Variants in COL10A1 observed in about 807,000 individuals in gnomAD.
COL10A1 encodes the protein collagen type X alpha 1 chain.
A neutral mutation model predicts 18.2 loss-of-function variants in COL10A1; 10 were observed. The ratio of observed to expected loss-of-function variants is 0.55; its 90% CI spans 0.34 to 0.93. The LOEUF is 0.93. Ranked by LOEUF, COL10A1 falls within the 40% of genes least tolerant of loss-of-function variation. The probability of loss-of-function intolerance (pLI) is 0.02; values close to 1 mark genes in which losing one functional copy is unlikely to be tolerated. For missense variants in COL10A1, 897 were observed against 853.5 expected, an observed-to-expected ratio of 1.05 and a Z score of -0.64; for synonymous variants, 330 against 316.6, an observed-to-expected ratio of 1.04 and a Z score of -0.45.
At chr6:116,151,150 C>A (rs1181862978) in intron 1 of COL10A1, among the ~76,000 whole-genome samples, 1 of 152,080 alleles carries the variant, frequency 6.6e-6, no homozygotes, top group Non-Finnish European at 1.5e-5. Flanking sequence ...CTTCTTTTTG[C>A]TTCCGGGCAG....
the COL10A1 span, among the ~76,000 whole-genome samples, chr6:116,171,106 A>G: frequency 2.6e-5 from 4 of 151,952 alleles, no homozygotes; most frequent in Non-Finnish European, 5.9e-5. Context: ...TAAATCCCCA[A>G]CATAGCACTT....
chr6:116,211,775 G>A, the COL10A1 span, among the ~76,000 whole-genome samples: 1 of 152,002 alleles, frequency 6.6e-6, no homozygotes, highest in Non-Finnish European at 1.5e-5. Context: ...AGGGATATTG[G>A]AATGTTTGCT....
chr6:116,199,994 GA>G, the COL10A1 span, among the ~76,000 whole-genome samples: 1 of 91,340 alleles, frequency 1.1e-5, no homozygotes, highest in African/African-American at 7.7e-5. Flanking sequence ...GTACAGTATG[GA>G]AAGTGGGGGG....
upstream of COL10A1, among the ~76,000 whole-genome samples, chr6:116,159,297 A>G (rs1347349489): frequency 1.3e-5 from 2 of 152,208 alleles, no homozygotes; most frequent in East Asian, 1.9e-4. Context: ...CCAGAGAAAC[A>G]TAACTTTCTT....
chr6:116,144,165 A>G (rs1779834662), intron 1 of COL10A1, among the ~76,000 whole-genome samples: 1 of 152,164 alleles, frequency 6.6e-6, no homozygotes. Context: ...AATCCTTTTT[A>G]TAACAGACAG....
the COL10A1 span, among the ~76,000 whole-genome samples, chr6:116,200,111 A>G: frequency 6.6e-6 from 1 of 152,000 alleles, no homozygotes. Flanking sequence ...TTAATATAAC[A>G]TGAGAGTGGC....
intron 1 of COL10A1, among the ~76,000 whole-genome samples, chr6:116,138,372 C>T (rs1233133812): frequency 6.6e-6 from 1 of 152,204 alleles, no homozygotes; most frequent in East Asian, 1.9e-4. Context: ...CTAGGAACTA[C>T]TGTGTTGGCT....
rs9488849 is a variant in COL10A1, at chr6:116,142,155, T to C, written c.-16+16459A>G. Reference sequence around the variant, plus strand: ...GGAACTAAATGGATACTCTTTCTAATATATGAAACTAATATTAGTATAGTT... The same window carrying C: ...GGAACTAAATGGATACTCTTTCTAACATATGAAACTAATATTAGTATAGTT... On this transcript the variant is annotated intron_variant, in intron 1 of 1. Transcript: ENST00000418500. 1.1e-4 allele frequency among the ~76,000 whole-genome samples: 17 copies of C among 152,028 alleles called. No individual in the cohort carries two copies. The South Asian group carries it at 3.3e-3, about 30-fold the overall frequency.
intron 1 of COL10A1, among the ~76,000 whole-genome samples, chr6:116,136,773 G>A (rs1779616697): frequency 6.6e-6 from 1 of 151,398 alleles, no homozygotes; most frequent in Admixed American, 6.5e-5. Context: ...CTTGGCCTTA[G>A]TTCCAACGGT....
Position 116,121,692 on chromosome 6 carries a change from C to G in COL10A1, c.424G>C (p.Gly142Arg), listed in dbSNP as rs376224853. 49 of 1,613,974 alleles carry G rather than the reference C, an allele frequency of 3.0e-5. No individual in the cohort carries two copies. Among genetic ancestry groups the G allele is most frequent in the Non-Finnish European group, 4.1e-5 (48 of 1,179,986 alleles). ...AGLPGPRGPP[G>R]PPGIPGPAGI... ...GCCGGTCCAGGGATTCCAGGTGGTCCTGGTGGGCCCCGGGGTCCTGGTAGG... is the reference window on the plus strand; with the variant it reads ...GCCGGTCCAGGGATTCCAGGTGGTCGTGGTGGGCCCCGGGGTCCTGGTAGG... The change falls in exon 3 of 3, where the codon GGA (glycine) becomes CGA (arginine). Residue 142 changes from glycine to arginine, a missense_variant. Physicochemically the swap from Gly to Arg is moderately radical, Grantham distance 125. Coordinates refer to ENST00000651968, the MANE Select transcript of COL10A1 (RefSeq NM_000493.4).
chr6:116,190,352 A>G, the COL10A1 span, among the ~76,000 whole-genome samples: 2 of 151,988 alleles, frequency 1.3e-5, no homozygotes, highest in Admixed American at 6.6e-5. Flanking sequence ...GCAATTTTTT[A>G]TATTTCTTAT....
Position 116,121,140 on chromosome 6 carries a change from C to G in COL10A1, c.976G>C (p.Gly326Arg), listed in dbSNP as rs774015877. Reference protein sequence around the residue: ...PGGPGAKGEQGPAGLPGKPGL... With the variant: ...PGGPGAKGEQRPAGLPGKPGL... The stretch of plus-strand genomic sequence containing the variant: ...GGCTTCCCAGGAAGACCTGCTGGCC[C>G]TTGTTCCCCTTTGGCACCTGGACCC... Residue 326 changes from glycine to arginine, a missense_variant, in exon 3 of 3, where the codon GGG (glycine) becomes CGG (arginine). Gly to Arg is a moderately radical substitution (Grantham distance 125, BLOSUM62 -2). Transcript: ENST00000651968. 6.8e-6 allele frequency: 11 copies of G among 1,613,412 alleles called. No homozygotes were observed. The highest frequency in any genetic ancestry group is 9.3e-6 in the Non-Finnish European group (11 of 1,179,690).
chr6:116,185,915 T>G, the COL10A1 span, among the ~76,000 whole-genome samples: 1 of 152,108 alleles, frequency 6.6e-6, no homozygotes, highest in Non-Finnish European at 1.5e-5. Flanking sequence ...CTGCAAGTTG[T>G]TTCCTGAAAA....
chr6:116,178,093 G>A, the COL10A1 span, among the ~76,000 whole-genome samples: 39 of 65,592 alleles, frequency 5.9e-4, no homozygotes, highest in African/African-American at 2.1e-3. Context: ...GTGTGTGCGC[G>A]CGCGCGCGCG....
chr6:116,193,520 T>C, the COL10A1 span, among the ~76,000 whole-genome samples: 6 of 152,188 alleles, frequency 3.9e-5, no homozygotes, highest in Non-Finnish European at 8.8e-5. Flanking sequence ...GGAGAAGATA[T>C]TTCCTAATTT....
chr6:116,185,503 T>C, the COL10A1 span, among the ~76,000 whole-genome samples: 1 of 152,116 alleles, frequency 6.6e-6, no homozygotes. Context: ...TGATCTCATT[T>C]TTCTTAAGTC....
intron 2 of COL10A1, among the ~76,000 whole-genome samples, chr6:116,123,535 C>T (rs1779200956): frequency 6.6e-6 from 1 of 152,236 alleles, no homozygotes; most frequent in African/African-American, 2.4e-5. Context: ...GTGGAATCCT[C>T]TGCAGCATAA....
chr6:116,199,353 G>T, the COL10A1 span, among the ~76,000 whole-genome samples: 1 of 152,062 alleles, frequency 6.6e-6, no homozygotes. Flanking sequence ...ATAGTCAAAG[G>T]ACAGGGAACT....
chr6:116,152,476 A>G (rs1442861549), intron 1 of COL10A1, among the ~76,000 whole-genome samples: 1 of 152,012 alleles, frequency 6.6e-6, no homozygotes, highest in Non-Finnish European at 1.5e-5. Flanking sequence ...TATTATGGTG[A>G]TTATCTACCC....
Sources: allele counts gnomAD v4.1 joint callset (sites outside exome capture counted in the v4.1 genomes callset), GRCh38; gene constraint gnomAD v4.1.1; transcripts MANE v1.5; gene names NCBI Gene and HGNC (gene_info 2026-07-23, HGNC 2026-07-21).